The following RFX8 variants were observed in gnomAD, a reference collection of about 807,000 sequenced individuals.
RFX8 encodes the protein DNA-binding protein RFX8.
A neutral mutation model predicts 54.6 loss-of-function variants in RFX8; 46 were observed. That is an observed-to-expected ratio of 0.84 (90% confidence interval 0.67 to 1.08). The LOEUF (loss-of-function observed/expected upper bound fraction) is 1.08. Among genes scored for constraint, RFX8 ranks in the 50% least tolerant of loss-of-function variants. RFX8 has a pLI of 0.00. For synonymous variants in RFX8, 192 were observed against 209.5 expected, an observed-to-expected ratio of 0.92 and a Z score of 0.72; for missense variants, 536 against 562.3, an observed-to-expected ratio of 0.95 and a Z score of 0.47.
intron 9 of RFX8, among the ~76,000 whole-genome samples, chr2:101,410,344 C>T (rs1686042540): frequency 6.6e-6 from 1 of 151,472 alleles, no homozygotes; most frequent in South Asian, 2.1e-4. Flanking sequence ...TCATCACAGG[C>T]TCGCCCCTCC....
At chr2:101,423,023 C>T (rs919537049) in intron 2 of RFX8, among the ~76,000 whole-genome samples, 2 of 152,050 alleles carry the variant, frequency 1.3e-5, no homozygotes, top group Non-Finnish European at 2.9e-5. Flanking sequence ...TTTGGGAGGG[C>T]GAGGCGGGTG....
At chr2:101,403,753 T>C (rs1267834927) in intron 10 of RFX8, among the ~76,000 whole-genome samples, 1 of 152,040 alleles carries the variant, frequency 6.6e-6, no homozygotes, top group African/African-American at 2.4e-5. Context: ...CACCATTGCA[T>C]TCCAGCCTGG....
chr2:101,418,956 G>A lies in RFX8; in HGVS notation c.246C>T (p.Asp82=), dbSNP rs1008197422. The A allele has an allele frequency of 7.8e-6, 12 of 1,541,836 alleles. No homozygotes were observed. The highest frequency in any genetic ancestry group is 1.4e-5 in the African/African-American group (1 of 72,856). Residue 82 remains aspartate (D), a synonymous_variant, in exon 5 of 12, where the codon GAC becomes GAT. Transcript: ENST00000428343. The part of the protein sequence containing the change: ...YCRDILRNVE[D]LLTSFWKSLQ... ...GAGACTTCCAGAAGGAAGTAAGCAA[G>A]TCCTCCACCTGGGGTAAGTAACAGA...
chr2:101,419,904 AG>A (rs745847653), intron 4 of RFX8, among the ~76,000 whole-genome samples: 4 of 152,208 alleles, frequency 2.6e-5, no homozygotes, highest in East Asian at 3.8e-4. Context: ...GCTTTGGGGA[AG>A]GGGGGTCTGG....
intron 2 of RFX8, among the ~76,000 whole-genome samples, chr2:101,432,558 G>A (rs562623522): frequency 2.0e-5 from 3 of 152,356 alleles, no homozygotes; most frequent in South Asian, 2.1e-4. Flanking sequence ...GGCCGGAGCA[G>A]GCCTGGAGGT....
intron 2 of RFX8, among the ~76,000 whole-genome samples, chr2:101,445,135 T>A (rs942660152): frequency 1.3e-5 from 2 of 152,154 alleles, no homozygotes; most frequent in African/African-American, 4.8e-5. Flanking sequence ...CTCTCCCTAG[T>A]CTCTCTAACC....
chr2:101,401,149 CAGAG>C (rs1469749693), intron 11 of RFX8, among the ~76,000 whole-genome samples: 1 of 152,214 alleles, frequency 6.6e-6, no homozygotes, highest in Non-Finnish European at 1.5e-5. Context: ...ATCTACCTCA[CAGAG>C]AGCACCGAAT....
intron 2 of RFX8, among the ~76,000 whole-genome samples, chr2:101,428,091 C>T (rs1322325476): frequency 2.6e-5 from 4 of 151,862 alleles, no homozygotes; most frequent in Admixed American, 6.6e-5. Context: ...GTCAGGAGTT[C>T]GAGACCAGCC....
intron 2 of RFX8, chr2:101,450,484 T>C: frequency 1.7e-6 from 1 of 582,780 alleles, no homozygotes. Flanking sequence ...TGCCCCAGCC[T>C]CCCAAAGTGT....
intron 10 of RFX8, among the ~76,000 whole-genome samples, chr2:101,405,029 T>C (rs1363742851): frequency 6.6e-6 from 1 of 152,158 alleles, no homozygotes; most frequent in Non-Finnish European, 1.5e-5. Context: ...ACTTTATCTT[T>C]CCACTGCTGT....
Position 101,431,157 on chromosome 2 carries a change from C to T in RFX8, c.73-8685G>A, listed in dbSNP as rs567458581. On this transcript the variant is annotated intron_variant, in intron 2 of 11. Transcript: ENST00000428343. ...AACCATCCATCCATCCAACCATCAT[C>T]AATCCATCTCTCATTCATTCATCAG... Among the ~76,000 whole-genome samples, 85 of 152,166 alleles carry T rather than the reference C, an allele frequency of 5.6e-4. No homozygotes were observed. The East Asian group carries it at 0.016, about 29-fold the overall frequency.
chr2:101,443,911 C>T (rs17025626), intron 2 of RFX8, among the ~76,000 whole-genome samples: 11 of 152,226 alleles, frequency 7.2e-5, no homozygotes, highest in Non-Finnish European at 1.3e-4. Context: ...TTCTGGTAGA[C>T]TGACCTCCAC....
chr2:101,428,744 A>G (rs1687321862), intron 2 of RFX8, among the ~76,000 whole-genome samples: 1 of 152,224 alleles, frequency 6.6e-6, no homozygotes, highest in Non-Finnish European at 1.5e-5. Context: ...GTGCAGCCAA[A>G]CAGTACGTTC....
At chr2:101,398,919 G>GT (rs1432236349) in intron 11 of RFX8, among the ~76,000 whole-genome samples, 1 of 152,012 alleles carries the variant, frequency 6.6e-6, no homozygotes, top group African/African-American at 2.4e-5. Flanking sequence ...GTGAAAAGGT[G>GT]TTTTTCTTCT....
chr2:101,406,119 T>C (rs1685720165), intron 9 of RFX8, 62 bp from the exon 10 acceptor site: 1 of 913,528 alleles, frequency 1.1e-6, no homozygotes, highest in African/African-American at 1.7e-5. Context: ...GCATAGTATG[T>C]TTTCAAATGC....
chr2:101,472,484 C>T (rs1690062756), intron 1 of RFX8, among the ~76,000 whole-genome samples: 1 of 150,320 alleles, frequency 6.7e-6, no homozygotes, highest in Admixed American at 6.7e-5. Flanking sequence ...TGACCCCTCC[C>T]TTATTTCCAT....
intron 2 of RFX8, among the ~76,000 whole-genome samples, chr2:101,449,729 G>GGA (rs1688577500): frequency 6.6e-6 from 1 of 152,134 alleles, no homozygotes; most frequent in East Asian, 1.9e-4. Flanking sequence ...GAAGGATTCA[G>GGA]GAGTCATCCA....
At position 101,401,645 on chromosome 2, in the gene RFX8, T is replaced by C. The variant is rs116898556; in HGVS notation, c.1245+791A>G. Among the ~76,000 whole-genome samples, 80 of 152,210 alleles carry C rather than the reference T, an allele frequency of 5.3e-4. 1 individual carries two copies. The highest frequency in any genetic ancestry group is 4.1e-4 in the Non-Finnish European group (28 of 68,008). ...TTTTTTTAACCAGCCCACTCCCCACTCCTCAATGGAGGCATTTCAGTTGTT... is the reference window on the plus strand; with the variant it reads ...TTTTTTTAACCAGCCCACTCCCCACCCCTCAATGGAGGCATTTCAGTTGTT... On this transcript the variant is annotated intron_variant, in intron 11 of 11. Transcript: ENST00000428343.
chr2:101,416,598 G>A (rs966729838), intron 6 of RFX8, among the ~76,000 whole-genome samples: 1 of 152,200 alleles, frequency 6.6e-6, no homozygotes, highest in Non-Finnish European at 1.5e-5. Flanking sequence ...AAATGACCCT[G>A]ACCTGGCAAG....
Sources: allele counts gnomAD v4.1 joint callset (sites outside exome capture counted in the v4.1 genomes callset), GRCh38; gene constraint gnomAD v4.1.1; transcripts MANE v1.5; gene names NCBI Gene and HGNC (gene_info 2026-07-23, HGNC 2026-07-21).